Variants in INPP5K observed in about 807,000 individuals in gnomAD.
The protein encoded by INPP5K is inositol polyphosphate 5-phosphatase K.
INPP5K carries 35 observed loss-of-function variants against 53.5 expected under a neutral mutation model. That is an observed-to-expected ratio of 0.65 (90% CI 0.50 to 0.87). The LOEUF is 0.87. INPP5K is among the 40% of genes least tolerant of loss of function. INPP5K has a pLI of 0.00. For synonymous variants in INPP5K, 253 were observed against 232.8 expected (o/e 1.09, Z -0.79); for missense variants, 550 against 586.2 (o/e 0.94, Z 0.64).
intron 7 of INPP5K, among the ~76,000 whole-genome samples, chr17:1,500,597 C>A (rs1391609521): frequency 6.6e-6 from 1 of 152,202 alleles, no homozygotes; most frequent in Admixed American, 6.5e-5. Flanking sequence ...GATCTCCTGA[C>A]CTCGTGATCT....
intron 7 of INPP5K, among the ~76,000 whole-genome samples, chr17:1,505,153 T>G (rs2075123977): frequency 6.6e-6 from 1 of 152,166 alleles, no homozygotes; most frequent in Non-Finnish European, 1.5e-5. Flanking sequence ...TTTTTTTTTT[T>G]GGAGACAGGG....
At chr17:1,511,414 C>T (rs915392765) in intron 3 of INPP5K, among the ~76,000 whole-genome samples, 4 of 152,200 alleles carry the variant, frequency 2.6e-5, no homozygotes, top group Non-Finnish European at 5.9e-5. Context: ...ACCACCGGCA[C>T]CCGAGGAGCC....
Position 1,497,984 on chromosome 17 carries a change from C to G in INPP5K, c.915G>C (p.Thr305=). The change falls in exon 8 of 12, where the codon ACG becomes ACC. Residue 305 remains threonine, a synonymous_variant. Coordinates refer to ENST00000421807, the MANE Select transcript of INPP5K (RefSeq NM_016532.4). ...CAGGCTTGTGGTCGCTGATGCCGTA[C>G]GTCATGTGGCTGCTGTAGCCCCTCA... The part of the protein sequence containing the change: ...LSLRGYSSHM[T]YGISDHKPVS... The G allele has an allele frequency of 6.2e-7, 1 of 1,614,092 alleles. No individual in the cohort carries two copies. The highest frequency in any genetic ancestry group is 8.5e-7 in the Non-Finnish European group (1 of 1,179,982).
At chr17:1,510,170 C>A (rs1031668782) in intron 3 of INPP5K, among the ~76,000 whole-genome samples, 2 of 152,208 alleles carry the variant, frequency 1.3e-5, no homozygotes, top group African/African-American at 4.8e-5. Flanking sequence ...AGGAATCCAT[C>A]TCATAGATGC....
chr17:1,511,059 C>A (rs2075295098), intron 3 of INPP5K, among the ~76,000 whole-genome samples: 1 of 152,144 alleles, frequency 6.6e-6, no homozygotes, highest in Non-Finnish European at 1.5e-5. Context: ...ATGCTCCCCC[C>A]AAACCCCATA....
intron 7 of INPP5K, among the ~76,000 whole-genome samples, chr17:1,502,932 C>T (rs1373455396): frequency 1.3e-5 from 2 of 151,968 alleles, no homozygotes; most frequent in African/African-American, 4.8e-5. Flanking sequence ...CACTGTTGCC[C>T]AGGCTGGAGT....
intron 7 of INPP5K, among the ~76,000 whole-genome samples, chr17:1,498,680 C>G (rs953348545): frequency 3.9e-5 from 6 of 152,210 alleles, no homozygotes; most frequent in Non-Finnish European, 7.3e-5. Flanking sequence ...TCACAGCTTA[C>G]TGTAGCCTCA....
intron 1 of INPP5K, chr17:1,515,459 G>T: frequency 1.2e-5 from 12 of 985,562 alleles, no homozygotes; most frequent in Non-Finnish European, 1.4e-5. Flanking sequence ...AGTCACAGCA[G>T]CTCTTCAAGA....
rs1220162852 is a variant in INPP5K at position 1,494,743 on chromosome 17, G to C, written c.*1080C>G. The C allele has an allele frequency of 6.6e-6, 1 of 152,338 alleles. No individual in the cohort carries two copies. Among genetic ancestry groups the C allele is most frequent in the Non-Finnish European group, 1.5e-5 (1 of 68,144 alleles). 9.4% of individuals were successfully genotyped at this position (152,338 alleles called of 1,614,324 possible). On this transcript the variant is annotated 3_prime_UTR_variant, in exon 12 of 12. Transcript: ENST00000421807. ...TCAGTCCCAGGACACAGGATGGCAG[G>C]ACAAGCACTGAGCAGGCTCCCAGAG... is the stretch of plus-strand genomic sequence containing the variant.
intron 3 of INPP5K, 54 bp from the exon 4 acceptor site, chr17:1,509,853 T>A (rs2075265994): frequency 9.2e-7 from 1 of 1,090,066 alleles, no homozygotes; most frequent in African/African-American, 1.6e-5. Context: ...GCCAAGTGCA[T>A]CCCTTCCAAG....
intron 6 of INPP5K, 146 bp downstream of exon 6, chr17:1,507,969 G>C (rs2075202854): frequency 1.5e-6 from 1 of 684,334 alleles, no homozygotes; most frequent in Non-Finnish European, 2.6e-6. Flanking sequence ...CTCACCCCTG[G>C]ATGCGAAGCC....
At chr17:1,516,414 TC>T in intron 1 of INPP5K, 41 bp downstream of exon 1, 3 of 1,561,700 alleles carry the variant, frequency 1.9e-6, no homozygotes, top group South Asian at 1.1e-5. Flanking sequence ...GGGGCGCCGA[TC>T]CCCCCGAGCA....
At position 1,495,628 on chromosome 17, in the gene INPP5K, T is replaced by C. The variant is rs1332357091; in HGVS notation, c.*195A>G. The stretch of plus-strand genomic sequence containing the variant: ...ACATCTCAGCAACAAAAACCTGTAT[T>C]TAAGCGGCTAATTCCAGAGATGAGT... On this transcript the variant is annotated 3_prime_UTR_variant, in exon 12 of 12. Transcript: ENST00000421807. 2.1e-5 allele frequency: 12 copies of C among 564,666 alleles called. No homozygotes were observed. The highest frequency in any genetic ancestry group is 4.6e-4 in the Middle Eastern group (1 of 2,178). The allele number at this position is 564,666 out of a possible 1,614,324, so 35.0% of individuals were successfully genotyped here. A position where few individuals can be genotyped will look rare whatever the true frequency, so the allele number is the denominator to read the frequency against.
At position 1,506,878 on chromosome 17, in the gene INPP5K, T is replaced by C. The variant is rs1436241051; in HGVS notation, c.776+102A>G. On this transcript the variant is annotated intron_variant, in intron 7 of 11. Coordinates refer to ENST00000421807, the MANE Select transcript of INPP5K (RefSeq NM_016532.4). Reference sequence around the variant, plus strand: ...TCTGGAGAGGGGATGACTAGACCAATTCCTGCCCCCCCTAACACTTCTATT... The same window carrying C: ...TCTGGAGAGGGGATGACTAGACCAACTCCTGCCCCCCCTAACACTTCTATT... 3 of 804,862 alleles carry C rather than the reference T, an allele frequency of 3.7e-6. No individual in the cohort carries two copies. In the East Asian group the frequency reaches 8.1e-5, roughly 22 times the overall value. The allele number at this position is 804,862 out of a possible 1,614,324, so 49.9% of individuals were successfully genotyped here. A position where few individuals can be genotyped will look rare whatever the true frequency, so the allele number is the denominator to read the frequency against.
chr17:1,507,136 T>C (rs774262806), intron 6 of INPP5K, 47 bp from the exon 7 acceptor site: 1 of 1,447,230 alleles, frequency 6.9e-7, no homozygotes, highest in South Asian at 1.2e-5. Context: ...CTCGACCCAG[T>C]GGCCCAGTAC....
Position 1,507,024 on chromosome 17 carries a change from C to T in INPP5K, c.732G>A (p.Pro244=), listed in dbSNP as rs61733756. The change falls in exon 7 of 12, where the codon CCG becomes CCA. Residue 244 remains proline (P), a synonymous_variant. Coordinates refer to ENST00000421807, the MANE Select transcript of INPP5K (RefSeq NM_016532.4). The part of the protein sequence containing the change: ...REFQEGRLLF[P]PTYKFDRNSN... ...AGTTCCTATCAAACTTGTAGGTGGG[C>T]GGGAAGAGTAGGCGGCCCTCCTGGA... is the stretch of plus-strand genomic sequence containing the variant. 72 of 1,613,838 alleles carry T rather than the reference C, an allele frequency of 4.5e-5. No homozygotes were observed. The highest frequency in any genetic ancestry group is 6.7e-5 in the Admixed American group (4 of 59,972).
At chr17:1,510,920 C>G (rs2075291169) in intron 3 of INPP5K, among the ~76,000 whole-genome samples, 1 of 152,182 alleles carries the variant, frequency 6.6e-6, no homozygotes. Context: ...AGCCACTGTA[C>G]TCGGCCTGCT....
rs753392773 is a variant in INPP5K at position 1,496,744 on chromosome 17, C to G, written c.1023G>C (p.Val341=). Reference sequence around the variant, plus strand: ...AGTAGCTGACCATCATGTCATTTTCCACGGTCCACAGGTCCTCGGGCATCA... The same window carrying G: ...AGTAGCTGACCATCATGTCATTTTCGACGGTCCACAGGTCCTCGGGCATCA... ...IVLMPEDLWT[V]ENDMMVSYSS... is the part of the protein sequence containing the mutation. The change falls in exon 9 of 12, where the codon GTG becomes GTC. Residue 341 remains valine (V), a synonymous_variant. Transcript: ENST00000421807. 1.2e-6 allele frequency: 2 copies of G among 1,614,112 alleles called. No individual in the cohort carries two copies. Among genetic ancestry groups the G allele is most frequent in the Non-Finnish European group, 1.7e-6 (2 of 1,180,050 alleles).
In INPP5K at chr17:1,498,138, G is replaced by T; in HGVS notation, c.777-16C>A. 6.3e-7 allele frequency: 1 copy of T among 1,575,978 alleles called. No individual in the cohort carries two copies. Among genetic ancestry groups the T allele is most frequent in the Non-Finnish European group, 8.7e-7 (1 of 1,155,258 alleles). ...TTTTTTCTCACTGCAGGGGCAGGGGGCATAAAGAGGAAGAATGGGGAAAGA... is the reference window on the plus strand; with the variant it reads ...TTTTTTCTCACTGCAGGGGCAGGGGTCATAAAGAGGAAGAATGGGGAAAGA... On this transcript the variant is annotated splice_polypyrimidine_tract_variant and intron_variant, in intron 7 of 11. Transcript: ENST00000421807.
Sources: gnomAD v4.1 joint callset for allele counts (sites outside exome capture counted in the v4.1 genomes callset) on GRCh38, gnomAD v4.1.1 for gene constraint, MANE v1.5 for transcripts, NCBI Gene and HGNC (gene_info 2026-07-23, HGNC 2026-07-21) for gene names.